The following ZNF385D variants were observed in gnomAD, a reference collection of about 807,000 sequenced individuals.
ZNF385D encodes zinc finger protein 659.
In ZNF385D, 15 loss-of-function variants were observed where a neutral mutation model predicts 35.8. That is an observed-to-expected ratio of 0.42 (90% CI 0.28 to 0.64). The LOEUF (loss-of-function observed/expected upper bound fraction) is 0.64. Ranked by LOEUF, ZNF385D falls within the 30% of genes least tolerant of loss-of-function variation. ZNF385D has a pLI of 0.23. For synonymous variants in ZNF385D, 212 were observed against 186.8 expected (o/e 1.13, Z -1.10); for missense variants, 474 against 494.6 (o/e 0.96, Z 0.39).
At chr3:21,608,012 C>CTTCTTTTTTTTTT (rs2064536095) in intron 2 of ZNF385D, among the ~76,000 whole-genome samples, 12 of 123,974 alleles carry the variant, frequency 9.7e-5, no homozygotes, top group African/African-American at 3.7e-4. Flanking sequence ...TCTTTTTCTT[C>CTTCTTTTTTTTTT]TTTTTTTTTT....
rs116658558 is a variant in ZNF385D at position 21,664,827 on chromosome 3, T to C, written c.165+59A>G. ...GGCAGTGGCCGAACCAACCCTGGCC[T>C]TTAAGTTAGTTTTCCAATACCTTCC... is the stretch of plus-strand genomic sequence containing the variant. On this transcript the variant is annotated intron_variant, in intron 2 of 7. Transcript: ENST00000281523. 2,492 of 1,610,260 alleles carry C rather than the reference T, an allele frequency of 1.5e-3. 40 individuals carry two copies. In the African/African-American group the frequency reaches 0.03, roughly 20 times the overall value.
intron 2 of ZNF385D, among the ~76,000 whole-genome samples, chr3:21,593,650 C>T (rs1416597595): frequency 6.6e-6 from 1 of 151,892 alleles, no homozygotes; most frequent in African/African-American, 2.4e-5. Context: ...ACACACAATG[C>T]ATTTTAAAAA....
At chr3:21,941,642 C>T (rs540002229) in intron 3 of ZNF385D, among the ~76,000 whole-genome samples, 5 of 151,746 alleles carry the variant, frequency 3.3e-5, no homozygotes, top group African/African-American at 1.2e-4. Context: ...GGACCACAGG[C>T]GCCCGCCACC....
intron 2 of ZNF385D, among the ~76,000 whole-genome samples, chr3:22,304,231 G>A (rs539786605): frequency 6.6e-6 from 1 of 152,016 alleles, no homozygotes; most frequent in South Asian, 2.1e-4. Context: ...TTCTAATTAG[G>A]TATGATATTT....
intron 1 of ZNF385D, among the ~76,000 whole-genome samples, chr3:21,749,885 C>T (rs1232568021): frequency 1.3e-5 from 2 of 152,182 alleles, no homozygotes; most frequent in African/African-American, 2.4e-5. Flanking sequence ...TATCTAAATA[C>T]CTCTTTAATC....
intron 3 of ZNF385D, among the ~76,000 whole-genome samples, chr3:21,811,633 A>G (rs1372993062): frequency 6.6e-6 from 1 of 152,212 alleles, no homozygotes; most frequent in Non-Finnish European, 1.5e-5. Context: ...AAAAGCAGCT[A>G]GCATTTATTT....
rs114630793 is a variant in ZNF385D, at chr3:21,644,789, C to T, written c.165+20097G>A. On this transcript the variant is annotated intron_variant, in intron 2 of 7. Coordinates refer to ENST00000281523, the MANE Select transcript of ZNF385D (RefSeq NM_024697.3). ...TCCTGGATTAAAATTTATACTACAT[C>T]ACACAGGAATCACACTTGTCTGAGA... 5.2e-3 allele frequency among the ~76,000 whole-genome samples: 797 copies of T among 152,184 alleles called. 12 individuals are homozygous for T. Among genetic ancestry groups the T allele is most frequent in the African/African-American group, 0.018 (766 of 41,522 alleles).
chr3:21,971,692 G>A (rs1703268047), intron 3 of ZNF385D, among the ~76,000 whole-genome samples: 1 of 148,684 alleles, frequency 6.7e-6, no homozygotes, highest in African/African-American at 2.5e-5. Context: ...AAAAAAAAAA[G>A]ACCCAGTGAC....
chr3:21,566,567 G>A (rs2063154639), intron 2 of ZNF385D, among the ~76,000 whole-genome samples: 1 of 152,088 alleles, frequency 6.6e-6, no homozygotes, highest in Non-Finnish European at 1.5e-5. Context: ...ATTGCAGTGA[G>A]CTGAGATCAT....
intron 2 of ZNF385D, among the ~76,000 whole-genome samples, chr3:21,643,933 A>G (rs146897114): frequency 2.6e-4 from 40 of 152,282 alleles, no homozygotes; most frequent in African/African-American, 8.9e-4. Flanking sequence ...ACAACCAAGA[A>G]TAATGTGGGA....
At chr3:22,171,401 C>A (rs1285743050) in intron 2 of ZNF385D, among the ~76,000 whole-genome samples, 1 of 152,096 alleles carries the variant, frequency 6.6e-6, no homozygotes, top group Non-Finnish European at 1.5e-5. Flanking sequence ...TATTTGCTTA[C>A]ACATGAGAAA....
intron 3 of ZNF385D, among the ~76,000 whole-genome samples, chr3:21,861,910 G>A (rs1244190608): frequency 1.3e-5 from 2 of 152,044 alleles, no homozygotes; most frequent in African/African-American, 2.4e-5. Context: ...AGTTCTAGCA[G>A]CTATACAAAA....
In ZNF385D at chr3:22,200,620, A is replaced by G. The variant is rs140905399; in HGVS notation, c.107-31585T>C. ...AGGAGACAGGGTTTTGAGAGCAACTAGTCTGACCAAAATTTATTAGGTGGG... is the reference window on the plus strand; with the variant it reads ...AGGAGACAGGGTTTTGAGAGCAACTGGTCTGACCAAAATTTATTAGGTGGG... On this transcript the variant is annotated intron_variant, in intron 2 of 5. Transcript: ENST00000494108. Among the ~76,000 whole-genome samples, 6 of 152,160 alleles carry G rather than the reference A, an allele frequency of 3.9e-5. No homozygotes were observed. The East Asian group carries it at 1.2e-3, about 30-fold the overall frequency.
chr3:22,135,363 G>A (rs1172853544), intron 3 of ZNF385D, among the ~76,000 whole-genome samples: 1 of 151,768 alleles, frequency 6.6e-6, no homozygotes, highest in East Asian at 1.9e-4. Context: ...ACTTATTTTT[G>A]TATACAAGCA....
At chr3:21,780,688 T>C (rs1233920445) in intron 3 of ZNF385D, among the ~76,000 whole-genome samples, 1 of 152,086 alleles carries the variant, frequency 6.6e-6, no homozygotes, top group African/African-American at 2.4e-5. Flanking sequence ...ATTAGACTAA[T>C]GACATTCTAA....
intron 2 of ZNF385D, among the ~76,000 whole-genome samples, chr3:22,260,183 G>A (rs1267227519): frequency 6.6e-6 from 1 of 151,932 alleles, no homozygotes; most frequent in African/African-American, 2.4e-5. Context: ...ATTAAAAATT[G>A]TTAATATTGT....
intron 3 of ZNF385D, among the ~76,000 whole-genome samples, chr3:21,886,884 C>T (rs200834640): frequency 1.3e-5 from 2 of 152,118 alleles, no homozygotes; most frequent in Non-Finnish European, 2.9e-5. Flanking sequence ...GCAGTGCCCC[C>T]GTGGGTCCCC....
rs1054079487 is a variant in ZNF385D at position 22,093,530 on chromosome 3, A to T, written c.325+75287T>A. Among the ~76,000 whole-genome samples the T allele has an allele frequency of 4.6e-5, 7 of 152,220 alleles. No homozygotes were observed. In the East Asian group the frequency reaches 1.4e-3, roughly 29 times the overall value. ...GTCTATTTATTTATAAGCAAAAAAC[A>T]GTTTGAAAACTACTAGAGGTTCGAG... On this transcript the variant is annotated intron_variant, in intron 3 of 5. Coordinates refer to the ZNF385D transcript ENST00000494108.
intron 3 of ZNF385D, among the ~76,000 whole-genome samples, chr3:21,993,842 G>T (rs566560585): frequency 3.3e-5 from 5 of 152,014 alleles, no homozygotes; most frequent in Non-Finnish European, 5.9e-5. Context: ...TTTCTGCCAT[G>T]GTTATACCAC....
Sources: allele counts gnomAD v4.1 joint callset (sites outside exome capture counted in the v4.1 genomes callset), GRCh38; gene constraint gnomAD v4.1.1; transcripts MANE v1.5; gene names NCBI Gene and HGNC (gene_info 2026-07-23, HGNC 2026-07-21).